Variants in HMGN5 observed in about 807,000 individuals in gnomAD.
HMGN5 encodes the protein high mobility group nucleosome-binding domain-containing protein 5.
HMGN5 carries 4 observed loss-of-function variants against 9.5 expected under a neutral mutation model. That is an observed-to-expected ratio of 0.42 (90% CI 0.21 to 0.96). HMGN5 has a LOEUF of 0.96. Among genes scored for constraint, HMGN5 ranks in the 40% least tolerant of loss-of-function variants. The probability of loss-of-function intolerance (pLI) is 0.30; values close to 1 mark genes in which losing one functional copy is unlikely to be tolerated. For synonymous variants in HMGN5, 55 were observed against 57.1 expected (o/e 0.96, Z 0.16); for missense variants, 192 against 187.5 (o/e 1.02, Z -0.14).
intron 1 of HMGN5, among the ~76,000 whole-genome samples, chrX:81,179,929 C>T (rs2075456344): frequency 1.8e-5 from 2 of 111,468 alleles, no homozygotes; most frequent in Non-Finnish European, 3.8e-5. Context: ...CTTTGACAAA[C>T]CTGACAAAAA....
chrX:81,181,020 C>T (rs774881085), intron 1 of HMGN5, among the ~76,000 whole-genome samples: 22 of 109,143 alleles, frequency 2.0e-4, no homozygotes, highest in East Asian at 8.7e-4. Flanking sequence ...GGACACAGGG[C>T]GGGGAACATC....
intron 1 of HMGN5, among the ~76,000 whole-genome samples, chrX:81,182,698 C>T (rs2075466313): frequency 8.9e-6 from 1 of 112,193 alleles, no homozygotes; most frequent in Non-Finnish European, 1.9e-5. Flanking sequence ...TGTATATGTA[C>T]CACAATTTCT....
intron 1 of HMGN5, among the ~76,000 whole-genome samples, chrX:81,152,446 T>C (rs1339916922): frequency 9.1e-6 from 1 of 110,080 alleles, no homozygotes; most frequent in Non-Finnish European, 1.9e-5. Flanking sequence ...CACAATGAGA[T>C]ACCATCTCAC....
At chrX:81,158,502 A>G (rs1390695809) in intron 1 of HMGN5, among the ~76,000 whole-genome samples, 2 of 112,116 alleles carry the variant, frequency 1.8e-5, no homozygotes, top group Non-Finnish European at 3.8e-5. Context: ...TCCTTTGCCC[A>G]CTTTTTAATG....
Position 81,201,811 on chromosome X carries a change from C to T in HMGN5, c.-198G>A, listed in dbSNP as rs2075527922. The stretch of plus-strand genomic sequence containing the variant: ...GGAAGTTATGCGCAGTACTTTTAGT[C>T]TCCGCGTGAAAAGGTCCTTCATGCT... On this transcript the variant is annotated 5_prime_UTR_variant, in exon 1 of 7. Coordinates refer to ENST00000358130, the MANE Select transcript of HMGN5 (RefSeq NM_030763.3). 5.8e-6 allele frequency: 1 copy of T among 171,982 alleles called. No homozygotes were observed. Among genetic ancestry groups the T allele is most frequent in the Non-Finnish European group, 1.1e-5 (1 of 91,592 alleles). 14.2% of individuals were successfully genotyped at this position (171,982 alleles called of 1,213,427 possible).
intron 1 of HMGN5, among the ~76,000 whole-genome samples, chrX:81,178,387 G>C (rs781457982): frequency 2.7e-5 from 3 of 111,354 alleles, no homozygotes; most frequent in Non-Finnish European, 5.7e-5. Flanking sequence ...TATCACCACC[G>C]ATCCCACAGA....
intron 1 of HMGN5, among the ~76,000 whole-genome samples, chrX:81,180,643 G>A (rs141245691): frequency 0.015 from 1,631 of 111,791 alleles, 28 homozygotes; most frequent in African/African-American, 0.05. Context: ...ACAGTGTGGT[G>A]ATCCCTCAAG....
chrX:81,168,458 T>C (rs1270446803), intron 1 of HMGN5, among the ~76,000 whole-genome samples: 3 of 111,597 alleles, frequency 2.7e-5, no homozygotes, highest in African/African-American at 9.8e-5. Context: ...AGACCCCTAA[T>C]TTGGATTGGC....
chrX:81,124,902 G>A (rs759373754), intron 1 of HMGN5, among the ~76,000 whole-genome samples: 110 of 110,534 alleles, frequency 1.0e-3, no homozygotes, highest in Non-Finnish European at 1.5e-3. Flanking sequence ...GAACTGTAAC[G>A]TGTCCATTTA....
At chrX:81,172,453 T>G (rs960403386) in intron 1 of HMGN5, among the ~76,000 whole-genome samples, 1 of 109,731 alleles carries the variant, frequency 9.1e-6, no homozygotes, top group Non-Finnish European at 1.9e-5. Flanking sequence ...ACATAATGTC[T>G]GAAATTTGCT....
chrX:81,158,846 G>A (rs752098474), intron 1 of HMGN5, among the ~76,000 whole-genome samples: 1 of 111,464 alleles, frequency 9.0e-6, no homozygotes, highest in Non-Finnish European at 1.9e-5. Flanking sequence ...TTTGTATAAT[G>A]TGTAGCTAGC....
chrX:81,174,398 T>C, intron 1 of HMGN5, among the ~76,000 whole-genome samples: 1 of 111,630 alleles, frequency 9.0e-6, no homozygotes, highest in South Asian at 3.7e-4. Flanking sequence ...ACATAAATTC[T>C]TTGAATGCAT....
intron 1 of HMGN5, among the ~76,000 whole-genome samples, chrX:81,164,017 G>A: frequency 9.0e-6 from 1 of 111,510 alleles, no homozygotes; most frequent in Non-Finnish European, 1.9e-5. Context: ...TTTAAAAGTG[G>A]CCCCTGGGTT....
chrX:81,166,153 T>C (rs2075410608), intron 1 of HMGN5, among the ~76,000 whole-genome samples: 1 of 111,132 alleles, frequency 9.0e-6, no homozygotes, highest in African/African-American at 3.3e-5. Context: ...TAAATGTCTT[T>C]TGAATGACAA....
At chrX:81,125,088 T>TTATA (rs199775558) in intron 1 of HMGN5, among the ~76,000 whole-genome samples, 1 of 108,367 alleles carries the variant, frequency 9.2e-6, no homozygotes, top group South Asian at 4.0e-4. Flanking sequence ...TAGTTTAAAA[T>TTATA]TATATATATA....
At chrX:81,115,449 T>C (rs1267128907) in intron 6 of HMGN5, among the ~76,000 whole-genome samples, 2 of 112,154 alleles carry the variant, frequency 1.8e-5, no homozygotes, top group South Asian at 3.6e-4. Flanking sequence ...TATCTACAAA[T>C]AGATATTTGA....
chrX:81,194,146 C>T (rs999814872), intron 1 of HMGN5, among the ~76,000 whole-genome samples: 7 of 111,560 alleles, frequency 6.3e-5, no homozygotes, highest in South Asian at 7.4e-4. Flanking sequence ...TGACATATAT[C>T]TCAAACCTTA....
chrX:81,200,790 G>C (rs2075524280), intron 1 of HMGN5, among the ~76,000 whole-genome samples: 2 of 110,653 alleles, frequency 1.8e-5, no homozygotes, highest in South Asian at 7.7e-4. Flanking sequence ...AAACCAACAT[G>C]GCACATGTAT....
chrX:81,190,660 C>T (rs1319756508), intron 1 of HMGN5, among the ~76,000 whole-genome samples: 2 of 111,541 alleles, frequency 1.8e-5, no homozygotes, highest in African/African-American at 6.5e-5. Flanking sequence ...CTCTGAGTCA[C>T]CTAGATTTTC....
Sources: allele counts gnomAD v4.1 joint callset (sites outside exome capture counted in the v4.1 genomes callset), GRCh38; gene constraint gnomAD v4.1.1; transcripts MANE v1.5; gene names NCBI Gene and HGNC (gene_info 2026-07-23, HGNC 2026-07-21).